The following PRIM2 variants were observed in gnomAD, a reference collection of about 807,000 sequenced individuals.
PRIM2 encodes the protein DNA primase subunit 2, also known as DNA primase large subunit.
PRIM2 carries 39 observed loss-of-function variants against 67.3 expected under a neutral mutation model. The observed-to-expected ratio is 0.58, with a 90% confidence interval of 0.45 to 0.76. The LOEUF is 0.76. Among genes scored for constraint, PRIM2 ranks in the 30% least tolerant of loss-of-function variants. The pLI, the probability that PRIM2 is intolerant of heterozygous loss-of-function variation, is 0.00. For missense variants in PRIM2, 398 were observed against 598.7 expected, an observed-to-expected ratio of 0.66 and a Z score of 3.50; for synonymous variants, 143 against 198.7, an observed-to-expected ratio of 0.72 and a Z score of 2.36.
intron 7 of PRIM2, among the ~76,000 whole-genome samples, chr6:57,386,717 C>G (rs1770166950): frequency 6.6e-6 from 1 of 151,058 alleles, no homozygotes; most frequent in African/African-American, 2.4e-5. Context: ...AAGTAGAAAT[C>G]TAAACCTATT....
At chr6:57,332,610 T>G (rs1233067443) in intron 5 of PRIM2, among the ~76,000 whole-genome samples, 1 of 152,206 alleles carries the variant, frequency 6.6e-6, no homozygotes. Context: ...TTTATCATTA[T>G]GAAATGTTCC....
At chr6:57,599,688 C>G (rs1333372247) in intron 10 of PRIM2, among the ~76,000 whole-genome samples, 6 of 152,126 alleles carry the variant, frequency 3.9e-5, no homozygotes, top group Admixed American at 1.3e-4. Flanking sequence ...ATCTTTGCAC[C>G]CACCTCAGTA....
chr6:57,365,276 G>A (rs9475882), intron 5 of PRIM2, among the ~76,000 whole-genome samples: 8,354 of 150,456 alleles, frequency 0.056, 443 homozygotes, highest in African/African-American at 0.14. Context: ...GCATGATTCT[G>A]TCATAACTTC....
chr6:57,457,204 A>G (rs1242780626), intron 7 of PRIM2, among the ~76,000 whole-genome samples: 1 of 152,184 alleles, frequency 6.6e-6, no homozygotes, highest in Non-Finnish European at 1.5e-5. Flanking sequence ...CCCTACTGGG[A>G]GGTGCCTCCC....
chr6:57,247,282 C>T, the PRIM2 span, among the ~76,000 whole-genome samples: 1 of 152,136 alleles, frequency 6.6e-6, no homozygotes, highest in Non-Finnish European at 1.5e-5. Context: ...GTGACATTGA[C>T]TGAGTTGTAT....
the PRIM2 span, among the ~76,000 whole-genome samples, chr6:57,288,029 C>T: frequency 6.6e-6 from 1 of 152,168 alleles, no homozygotes; most frequent in African/African-American, 2.4e-5. Context: ...TCAAGGGAAG[C>T]TGTGACAGTC....
At chr6:57,391,328 G>C (rs1356622899) in intron 7 of PRIM2, among the ~76,000 whole-genome samples, 2 of 147,282 alleles carry the variant, frequency 1.4e-5, no homozygotes, top group Non-Finnish European at 3.0e-5. Context: ...CATTCTGTAG[G>C]TTGTCTGTGT....
chr6:57,525,864 C>T lies in PRIM2; in HGVS notation c.762-6547C>T, dbSNP rs1284905256. Among the ~76,000 whole-genome samples the T allele has an allele frequency of 3.8e-3, 578 of 152,288 alleles. 1 individual carries two copies. Among genetic ancestry groups the T allele is most frequent in the Admixed American group, 6.3e-3 (96 of 15,300 alleles). Reference sequence around the variant, plus strand: ...TTCACTGCTTGGACCCTTCCTTGGTCACAAAGGTGCTTAATAAGTGTATGC... The same window carrying T: ...TTCACTGCTTGGACCCTTCCTTGGTTACAAAGGTGCTTAATAAGTGTATGC... On this transcript the variant is annotated intron_variant, in intron 8 of 13. Coordinates refer to ENST00000615550, the MANE Select transcript of PRIM2 (RefSeq NM_000947.5).
intron 7 of PRIM2, among the ~76,000 whole-genome samples, chr6:57,471,277 G>C (rs1773331997): frequency 2.0e-5 from 3 of 152,196 alleles, no homozygotes; most frequent in Admixed American, 2.0e-4. Context: ...AGAAAGAGCA[G>C]GAGAGCCAAG....
intron 5 of PRIM2, among the ~76,000 whole-genome samples, chr6:57,364,059 AC>A (rs1769276983): frequency 1.4e-5 from 2 of 142,028 alleles, no homozygotes; most frequent in African/African-American, 5.2e-5. Context: ...AATTTTGGCT[AC>A]TGTAATTTAT....
chr6:57,612,972 T>C (rs1266534765), intron 12 of PRIM2, among the ~76,000 whole-genome samples: 2 of 151,984 alleles, frequency 1.3e-5, no homozygotes, highest in South Asian at 2.1e-4. Flanking sequence ...TTTTTTACTT[T>C]TTTGTAGAGA....
chr6:57,278,906 G>GT, the PRIM2 span, among the ~76,000 whole-genome samples: 1 of 152,188 alleles, frequency 6.6e-6, no homozygotes, highest in African/African-American at 2.4e-5. Context: ...CTGTGGAACA[G>GT]TTTTTTCCTA....
chr6:57,347,486 G>A (rs71566851), intron 5 of PRIM2, among the ~76,000 whole-genome samples: 383 of 152,200 alleles, frequency 2.5e-3, no homozygotes, highest in South Asian at 0.023. Flanking sequence ...TTGCTCTGTC[G>A]CCTAGGCTGG....
intron 10 of PRIM2, among the ~76,000 whole-genome samples, chr6:57,580,949 A>G (rs1469285132): frequency 2.7e-5 from 4 of 145,924 alleles, no homozygotes; most frequent in African/African-American, 1.1e-4. Context: ...AAAAACAACT[A>G]TGAAAGAAAA....
At chr6:57,530,865 G>C (rs1440323820) in intron 8 of PRIM2, among the ~76,000 whole-genome samples, 3 of 152,098 alleles carry the variant, frequency 2.0e-5, no homozygotes, top group Admixed American at 2.0e-4. Flanking sequence ...ACCATGCCTG[G>C]CCAATTTTTG....
At chr6:57,277,036 G>T in the PRIM2 span, among the ~76,000 whole-genome samples, 1 of 152,170 alleles carries the variant, frequency 6.6e-6, no homozygotes, top group Non-Finnish European at 1.5e-5. Context: ...CACCTTGGAA[G>T]GACAAAGAAT....
intron 7 of PRIM2, among the ~76,000 whole-genome samples, chr6:57,498,041 C>T (rs1335964933): frequency 6.6e-6 from 1 of 152,134 alleles, no homozygotes; most frequent in Admixed American, 6.6e-5. Context: ...AAAAGAGCAG[C>T]TGCTTGTAAA....
At chr6:57,561,293 G>A (rs1167598933) in intron 10 of PRIM2, among the ~76,000 whole-genome samples, 10 of 152,172 alleles carry the variant, frequency 6.6e-5, no homozygotes, top group African/African-American at 9.6e-5. Flanking sequence ...GTGCAGTGGC[G>A]TGATCTGGGC....
chr6:57,232,421 G>A, the PRIM2 span, among the ~76,000 whole-genome samples: 9 of 152,066 alleles, frequency 5.9e-5, no homozygotes, highest in East Asian at 5.8e-4. Context: ...GTGTGGTGGC[G>A]CGTGCCTGTA....
Sources: gnomAD v4.1 joint callset for allele counts (sites outside exome capture counted in the v4.1 genomes callset) on GRCh38, gnomAD v4.1.1 for gene constraint, MANE v1.5 for transcripts, NCBI Gene and HGNC (gene_info 2026-07-23, HGNC 2026-07-21) for gene names.